Variants in MITF observed in about 807,000 individuals in gnomAD.
MITF encodes melanocyte inducing transcription factor, also known as microphthalmia-associated transcription factor.
In MITF, 17 loss-of-function variants were observed where a neutral mutation model predicts 60.5. The ratio of observed to expected loss-of-function variants is 0.28; its 90% CI spans 0.19 to 0.42. The LOEUF (loss-of-function observed/expected upper bound fraction) is 0.42, where lower values mean the gene tolerates loss of function less well. Ranked by LOEUF, MITF falls within the 10% of genes least tolerant of loss-of-function variation. The pLI, the probability that MITF is intolerant of heterozygous loss-of-function variation, is 1.00. For synonymous variants in MITF, 260 were observed against 248.5 expected (o/e 1.05, Z -0.43); for missense variants, 622 against 683.5 (o/e 0.91, Z 1.00).
At chr3:69,819,001 T>A (rs1168860363) in intron 1 of MITF, among the ~76,000 whole-genome samples, 1 of 152,168 alleles carries the variant, frequency 6.6e-6, no homozygotes, top group Non-Finnish European at 1.5e-5. Context: ...TGCTTCAGTG[T>A]TCCTCAGTTC....
rs142975517 is a variant in MITF, at chr3:69,934,623, G to A, written c.355-3199G>A. ...AGTTAATGAATTGCAGAAGGTACAC[G>A]GGTTGTTAAGTTGCAAAGATAGAAT... On this transcript the variant is annotated intron_variant, in intron 2 of 9. Transcript: ENST00000352241. Among the ~76,000 whole-genome samples, 191 of 152,232 alleles carry A rather than the reference G, an allele frequency of 1.3e-3. No individual in the cohort carries two copies. In the East Asian group the frequency reaches 0.015, roughly 12 times the overall value.
In MITF at chr3:69,869,261, G is replaced by C. The variant is rs527802729; in HGVS notation, c.105-9873G>C. ...ACATGTAAACATCTCTGCCCTCCTG[G>C]AGCAGATTGGACCAGGTCATGAAGG... is the stretch of plus-strand genomic sequence containing the variant. On this transcript the variant is annotated intron_variant, in intron 1 of 9. Coordinates refer to ENST00000352241, the MANE Select transcript of MITF (RefSeq NM_001354604.2). Among the ~76,000 whole-genome samples the C allele has an allele frequency of 2.6e-5, 4 of 152,254 alleles. No individual in the cohort carries two copies. In the South Asian group the frequency reaches 8.3e-4, roughly 32 times the overall value.
chr3:69,779,118 C>T (rs2062522784), intron 1 of MITF: 2 of 152,180 alleles, frequency 1.3e-5, no homozygotes, highest in African/African-American at 4.8e-5. Flanking sequence ...GTCTCACCAC[C>T]TAATGTTTGC....
intron 1 of MITF, among the ~76,000 whole-genome samples, chr3:69,832,929 C>T (rs1311325358): frequency 6.6e-6 from 1 of 152,042 alleles, no homozygotes; most frequent in Non-Finnish European, 1.5e-5. Context: ...TGGTTATATA[C>T]CTGGTTAGAC....
intron 1 of MITF, among the ~76,000 whole-genome samples, chr3:69,842,120 A>C (rs1332969401): frequency 6.6e-6 from 1 of 152,226 alleles, no homozygotes; most frequent in Admixed American, 6.5e-5. Context: ...TGGAACTTAC[A>C]TTCTAGCAAA....
At chr3:69,877,328 A>G (rs540161269) in intron 1 of MITF, among the ~76,000 whole-genome samples, 35 of 152,296 alleles carry the variant, frequency 2.3e-4, no homozygotes, top group African/African-American at 8.4e-4. Flanking sequence ...ACATTTCTGA[A>G]TCAAATTGTA....
At chr3:69,935,874 G>A (rs1021404537) in intron 2 of MITF, among the ~76,000 whole-genome samples, 12 of 152,132 alleles carry the variant, frequency 7.9e-5, no homozygotes, top group African/African-American at 2.7e-4. Context: ...AAATATATCA[G>A]TGTTGTATAT....
chr3:69,870,837 C>T (rs2064221687), intron 1 of MITF, among the ~76,000 whole-genome samples: 1 of 151,954 alleles, frequency 6.6e-6, no homozygotes, highest in African/African-American at 2.4e-5. Context: ...GTGTGCCTAG[C>T]CAAAACAAAG....
chr3:69,938,522 A>C, intron 3 of MITF: 5 of 1,446,172 alleles, frequency 3.5e-6, no homozygotes, highest in Non-Finnish European at 4.5e-6. Flanking sequence ...ATATGCATGG[A>C]TGGATTTGAA....
At chr3:69,938,317 T>G (rs1427217500) in intron 3 of MITF, 9 of 1,545,386 alleles carry the variant, frequency 5.8e-6, no homozygotes, top group Non-Finnish European at 6.2e-6. Flanking sequence ...TCTTCTTCCT[T>G]AGCTGAGTGC....
intron 1 of MITF, among the ~76,000 whole-genome samples, chr3:69,760,024 C>T (rs755336421): frequency 6.6e-6 from 1 of 152,156 alleles, no homozygotes; most frequent in African/African-American, 2.4e-5. Flanking sequence ...GTGATCCACC[C>T]GCCTTGGCAT....
At chr3:69,775,967 A>G (rs949733545) in intron 1 of MITF, among the ~76,000 whole-genome samples, 3 of 152,204 alleles carry the variant, frequency 2.0e-5, no homozygotes, top group African/African-American at 4.8e-5. Context: ...TGCAGTGTGC[A>G]TTGCGGTTAC....
Position 69,879,150 on chromosome 3 carries a change from C to A in MITF, c.121C>A (p.Pro41Thr), listed in dbSNP as rs1294854966. 1 of 1,614,196 alleles carries A rather than the reference C, an allele frequency of 6.2e-7. No homozygotes were observed. The highest frequency in any genetic ancestry group is 2.2e-5 in the East Asian group (1 of 44,882). The change falls in exon 2 of 10, where the codon CCT (proline) becomes ACT (threonine). Residue 41 changes from proline (P) to threonine (T), a missense_variant. Pro to Thr is a conservative substitution (Grantham distance 38). Coordinates refer to ENST00000352241, the MANE Select transcript of MITF (RefSeq NM_001354604.2). ...TTCCCACAGCAGTTCCGCCGAGCAT[C>A]CTGGGGCCTCCAAGCCTCCGATAAG... ...PLKSSSSAEH[P>T]GASKPPISSS...
chr3:69,842,679 T>G (rs1253856825), intron 1 of MITF, among the ~76,000 whole-genome samples: 1 of 152,150 alleles, frequency 6.6e-6, no homozygotes, highest in Non-Finnish European at 1.5e-5. Context: ...CCAAAATTCT[T>G]GGGGGATATG....
intron 1 of MITF, among the ~76,000 whole-genome samples, chr3:69,754,194 C>A (rs1575666271): frequency 6.6e-6 from 1 of 151,664 alleles, no homozygotes; most frequent in East Asian, 1.9e-4. Context: ...ATGAGTGTGG[C>A]ACCACCCCTG....
At chr3:69,826,148 G>T (rs988491711) in intron 1 of MITF, among the ~76,000 whole-genome samples, 1 of 152,040 alleles carries the variant, frequency 6.6e-6, no homozygotes, top group Admixed American at 6.6e-5. Context: ...CAGCCCTCAG[G>T]TAAACTAATT....
At chr3:69,818,234 G>A (rs768134588) in intron 1 of MITF, among the ~76,000 whole-genome samples, 4 of 152,192 alleles carry the variant, frequency 2.6e-5, no homozygotes, top group Non-Finnish European at 4.4e-5. Context: ...TAGGAAGCCT[G>A]CTTCCCCTTT....
intron 1 of MITF, among the ~76,000 whole-genome samples, chr3:69,843,784 T>G (rs367856593): frequency 6.6e-6 from 1 of 152,306 alleles, no homozygotes; most frequent in African/African-American, 2.4e-5. Flanking sequence ...GGGATACATG[T>G]GCAGAACGTA....
Position 69,815,759 on chromosome 3 carries a change from G to C in MITF, c.105-63375G>C, listed in dbSNP as rs537183465. ...CCCCTACATTGTTCAAGGGTCAACT[G>C]TATTTTATTGAATGCTAGTCATTGT... is the stretch of plus-strand genomic sequence containing the variant. On this transcript the variant is annotated intron_variant, in intron 1 of 9. Transcript: ENST00000352241. Among the ~76,000 whole-genome samples, 14 of 152,244 alleles carry C rather than the reference G, an allele frequency of 9.2e-5. No homozygotes were observed. In the South Asian group the frequency reaches 2.9e-3, roughly 32 times the overall value.
Sources: allele counts gnomAD v4.1 joint callset (sites outside exome capture counted in the v4.1 genomes callset), GRCh38; gene constraint gnomAD v4.1.1; transcripts MANE v1.5; gene names NCBI Gene and HGNC (gene_info 2026-07-23, HGNC 2026-07-21).